GLIS3: variants seen among roughly 807,000 people sequenced by gnomAD.
GLIS3 encodes GLIS family zinc finger 3, also known as zinc finger protein GLIS3.
In GLIS3, 53 loss-of-function variants were observed where a neutral mutation model predicts 78.6. The ratio of observed to expected loss-of-function variants is 0.67; its 90% CI spans 0.54 to 0.85. The LOEUF is 0.85. Among genes scored for constraint, GLIS3 ranks in the 40% least tolerant of loss-of-function variants. The pLI is 0.00. For missense variants in GLIS3, 1,703 were observed against 1,231.1 expected (o/e 1.38, Z -5.74); for synonymous variants, 684 against 509.9 (o/e 1.34, Z -4.60).
intron 4 of GLIS3, among the ~76,000 whole-genome samples, chr9:4,070,536 G>T (rs1827503631): frequency 1.3e-5 from 2 of 152,066 alleles, no homozygotes; most frequent in African/African-American, 4.8e-5. Context: ...GTAAGTATTT[G>T]TGTGTGTGTG....
At chr9:4,379,451 C>G in the GLIS3 span, among the ~76,000 whole-genome samples, 1 of 152,170 alleles carries the variant, frequency 6.6e-6, no homozygotes, top group African/African-American at 2.4e-5. Context: ...ATTTTTCAGC[C>G]CTTTTGGAAG....
chr9:4,414,528 T>TA, the GLIS3 span, among the ~76,000 whole-genome samples: 3 of 152,196 alleles, frequency 2.0e-5, no homozygotes, highest in Non-Finnish European at 4.4e-5. Flanking sequence ...TAAAAAAGAT[T>TA]ATACCTATAT....
At chr9:3,965,188 CTTTTCTTTTTT>C (rs1438052292) in intron 4 of GLIS3, among the ~76,000 whole-genome samples, 33 of 99,022 alleles carry the variant, frequency 3.3e-4, no homozygotes, top group African/African-American at 1.2e-3. Flanking sequence ...TCTTTCTTTT[CTTTTCTTTTTT>C]TTTTTTTTTT....
chr9:4,489,355 G>A, the GLIS3 span, among the ~76,000 whole-genome samples: 1 of 152,170 alleles, frequency 6.6e-6, no homozygotes, highest in Non-Finnish European at 1.5e-5. Context: ...CCAAAGGGAT[G>A]AAGCTCTAAT....
At chr9:3,889,942 G>T (rs562890509) in intron 7 of GLIS3, among the ~76,000 whole-genome samples, 6 of 152,222 alleles carry the variant, frequency 3.9e-5, no homozygotes, top group African/African-American at 1.4e-4. Flanking sequence ...AAAAGACTAG[G>T]GAACTGTTTT....
the GLIS3 span, among the ~76,000 whole-genome samples, chr9:4,488,727 A>AT: frequency 6.6e-6 from 1 of 152,138 alleles, no homozygotes; most frequent in Non-Finnish European, 1.5e-5. Flanking sequence ...CATGTTGGCC[A>AT]GGCTGGTCTC....
intron 6 of GLIS3, among the ~76,000 whole-genome samples, chr9:3,917,097 A>T (rs60235235): frequency 0.044 from 6,658 of 152,322 alleles, 419 homozygotes; most frequent in African/African-American, 0.14. Context: ...AACATTTAAA[A>T]GGCAAAAATG....
chr9:4,249,413 G>A (rs1458695452), intron 2 of GLIS3, among the ~76,000 whole-genome samples: 1 of 151,534 alleles, frequency 6.6e-6, no homozygotes, highest in Non-Finnish European at 1.5e-5. Flanking sequence ...TCATGATTTG[G>A]CTGTTTGTCT....
At position 4,117,992 on chromosome 9, in the gene GLIS3, T is replaced by A. The variant is rs202024464; in HGVS notation, c.1486A>T (p.Ile496Phe). 5 of 1,611,288 alleles carry A rather than the reference T, an allele frequency of 3.1e-6. No homozygotes were observed. In the African/African-American group the frequency reaches 4.0e-5, roughly 13 times the overall value. The change falls in exon 4 of 11, where the codon ATC becomes TTC. Residue 496 changes from isoleucine (I) to phenylalanine (F), a missense_variant. Physicochemically the swap from Ile to Phe is conservative, Grantham distance 21. Transcript: ENST00000381971. ...TLDDDGEMDG[I>F]GGKHCCRWID... ...CAGCGGCAGCAATGCTTGCCCCCGA[T>A]GCCGTCCATCTCCCCGTCGTCGTCC...
At chr9:4,429,168 G>C in the GLIS3 span, among the ~76,000 whole-genome samples, 1 of 152,246 alleles carries the variant, frequency 6.6e-6, no homozygotes, top group African/African-American at 2.4e-5. Context: ...ACTCCAGATA[G>C]AGTTACCTTT....
chr9:4,291,242 G>T (rs905648072), intron 1 of GLIS3, among the ~76,000 whole-genome samples: 1 of 152,072 alleles, frequency 6.6e-6, no homozygotes, highest in Non-Finnish European at 1.5e-5. Context: ...CGAAATAAAA[G>T]AGGTTTTATT....
At chr9:4,293,391 A>G (rs1489634491) in intron 1 of GLIS3, among the ~76,000 whole-genome samples, 1 of 152,216 alleles carries the variant, frequency 6.6e-6, no homozygotes, top group East Asian at 1.9e-4. Context: ...GGCTGTTGGT[A>G]GACAGCAGTT....
At chr9:3,935,214 T>A (rs1825824281) in intron 5 of GLIS3, among the ~76,000 whole-genome samples, 1 of 152,164 alleles carries the variant, frequency 6.6e-6, no homozygotes, top group Non-Finnish European at 1.5e-5. Flanking sequence ...AAATCAAGTG[T>A]GTGATTTCTA....
At chr9:3,946,243 A>C (rs1230961220) in intron 4 of GLIS3, among the ~76,000 whole-genome samples, 1 of 152,240 alleles carries the variant, frequency 6.6e-6, no homozygotes, top group Non-Finnish European at 1.5e-5. Context: ...AGAACAAGGT[A>C]CTGAGTCTTA....
At chr9:3,869,081 A>G (rs1820801534) in intron 8 of GLIS3, among the ~76,000 whole-genome samples, 1 of 152,190 alleles carries the variant, frequency 6.6e-6, no homozygotes. Context: ...CTTATTTACC[A>G]CTATAGCCTC....
chr9:4,396,629 G>T, the GLIS3 span, among the ~76,000 whole-genome samples: 46 of 152,306 alleles, frequency 3.0e-4, no homozygotes, highest in Non-Finnish European at 5.4e-4. Flanking sequence ...TGAAGTCAGT[G>T]ATTCTTAACC....
intron 2 of GLIS3, among the ~76,000 whole-genome samples, chr9:4,271,275 T>C (rs1314456490): frequency 6.6e-6 from 1 of 152,164 alleles, no homozygotes; most frequent in Non-Finnish European, 1.5e-5. Flanking sequence ...ACAAAATACA[T>C]GTTAATCAAC....
At chr9:4,043,152 A>G (rs1824965876) in intron 4 of GLIS3, among the ~76,000 whole-genome samples, 1 of 152,102 alleles carries the variant, frequency 6.6e-6, no homozygotes, top group African/African-American at 2.4e-5. Context: ...CAAGGTCCCA[A>G]TTTAACTCCT....
At chr9:4,321,165 A>G (rs1343161906) in intron 2 of GLIS3, among the ~76,000 whole-genome samples, 1 of 151,268 alleles carries the variant, frequency 6.6e-6, no homozygotes, top group Admixed American at 6.6e-5. Flanking sequence ...TCACGCCTGT[A>G]ATCCCAGCAC....
Sources: allele counts gnomAD v4.1 joint callset (sites outside exome capture counted in the v4.1 genomes callset), GRCh38; gene constraint gnomAD v4.1.1; transcripts MANE v1.5; gene names NCBI Gene and HGNC (gene_info 2026-07-23, HGNC 2026-07-21).